KCTD1: variants seen among roughly 807,000 people sequenced by gnomAD.
KCTD1 encodes BTB/POZ domain-containing protein KCTD1.
Under a neutral mutation model 66.0 loss-of-function variants are expected in KCTD1, and 24 were observed. The observed-to-expected ratio is 0.36, with a 90% confidence interval of 0.26 to 0.51. The LOEUF is 0.51. Ranked by LOEUF, KCTD1 falls within the 20% of genes least tolerant of loss-of-function variation. KCTD1 has a pLI of 0.95. For missense variants in KCTD1, 943 were observed against 1,205.2 expected (o/e 0.78, Z 3.22); for synonymous variants, 511 against 517.2 (o/e 0.99, Z 0.16).
Position 26,468,137 on chromosome 18 carries a change from C to T in KCTD1, c.2134-8212G>A, listed in dbSNP as rs572046721. ...GTGTGTGTGCCTATGCATGCGTACACGCTCATGTGCAGGGCATAAAACAAC... is the reference window on the plus strand; with the variant it reads ...GTGTGTGTGCCTATGCATGCGTACATGCTCATGTGCAGGGCATAAAACAAC... On this transcript the variant is annotated intron_variant, in intron 3 of 4. Transcript: ENST00000580059. This position sits in a 1 kb window ranked among gnomAD's most constrained non-coding sequence, Gnocchi z 4.8. 2.0e-5 allele frequency among the ~76,000 whole-genome samples: 3 copies of T among 152,168 alleles called. No homozygotes were observed. The highest frequency in any genetic ancestry group is 7.2e-5 in the African/African-American group (3 of 41,428).
chr18:26,590,141 T>G (rs532781329), intron 1 of KCTD1, among the ~76,000 whole-genome samples: 1 of 152,288 alleles, frequency 6.6e-6, no homozygotes, highest in Non-Finnish European at 1.5e-5. Context: ...TGGAGTGCAG[T>G]GGCATGATCT....
At chr18:26,499,424 C>G (rs1035749954) in intron 2 of KCTD1, among the ~76,000 whole-genome samples, 1 of 151,998 alleles carries the variant, frequency 6.6e-6, no homozygotes. Context: ...AAGGTGGGGA[C>G]TAAATAATAC....
At chr18:26,456,345 A>G (rs1980087223) in intron 4 of KCTD1, 1 of 153,210 alleles carries the variant, frequency 6.5e-6, no homozygotes, top group African/African-American at 2.4e-5. Flanking sequence ...AAGAATCTGG[A>G]AAGGACAGTG....
intron 1 of KCTD1, chr18:26,566,473 C>T (rs1258351467): frequency 6.6e-6 from 1 of 152,310 alleles, no homozygotes; most frequent in Non-Finnish European, 1.5e-5. Context: ...GAACTTGCCA[C>T]TCCCGGTACA....
upstream of KCTD1, among the ~76,000 whole-genome samples, chr18:26,553,428 C>T (rs1203763888): frequency 6.6e-6 from 1 of 152,124 alleles, no homozygotes; most frequent in East Asian, 1.9e-4. Context: ...ATTTCCAATT[C>T]AGTTTCTTGG....
upstream of KCTD1, chr18:26,549,910 G>C: frequency 1.6e-6 from 1 of 608,730 alleles, no homozygotes; most frequent in Non-Finnish European, 2.1e-6. Flanking sequence ...CTCCGGGCGC[G>C]TCCTTGCGTC....
intron 2 of KCTD1, among the ~76,000 whole-genome samples, chr18:26,486,377 T>G (rs888080803): frequency 6.6e-6 from 1 of 152,242 alleles, no homozygotes; most frequent in Admixed American, 6.5e-5. Flanking sequence ...ACTCACAGTG[T>G]CCGTCTGTCC....
intron 1 of KCTD1, among the ~76,000 whole-genome samples, chr18:26,617,376 T>C (rs1041367638): frequency 1.3e-5 from 2 of 152,244 alleles, no homozygotes; most frequent in Admixed American, 1.3e-4. Flanking sequence ...ATGTGTATCA[T>C]AGCTGACGCT....
intron 1 of KCTD1, among the ~76,000 whole-genome samples, chr18:26,657,194 G>A (rs937291574): frequency 1.3e-5 from 2 of 151,800 alleles, no homozygotes; most frequent in Non-Finnish European, 2.9e-5. Context: ...CTGCCCCGCC[G>A]CGGGTCCAAG....
chr18:26,529,988 T>TAC (rs781676382), intron 1 of KCTD1, among the ~76,000 whole-genome samples: 1 of 152,222 alleles, frequency 6.6e-6, no homozygotes, highest in Non-Finnish European at 1.5e-5. Flanking sequence ...CGGCTAGACC[T>TAC]ACAGACAAGG....
At chr18:26,507,607 C>T (rs1474318061) in intron 1 of KCTD1, among the ~76,000 whole-genome samples, 2 of 152,026 alleles carry the variant, frequency 1.3e-5, no homozygotes, top group Non-Finnish European at 2.9e-5. Flanking sequence ...GAACTCCTGG[C>T]CTCAAGTGAT....
At chr18:26,559,892 G>T (rs1308198920) in intron 1 of KCTD1, among the ~76,000 whole-genome samples, 1 of 152,178 alleles carries the variant, frequency 6.6e-6, no homozygotes, top group Admixed American at 6.6e-5. Context: ...GCAATGGCCA[G>T]GCCCTTTTGC....
Position 26,547,920 on chromosome 18 carries a change from C to A in KCTD1, c.617G>T (p.Arg206Leu), listed in dbSNP as rs1416905609. 1 of 1,543,626 alleles carries A rather than the reference C, an allele frequency of 6.5e-7. No individual in the cohort carries two copies. The highest frequency in any genetic ancestry group is 2.0e-5 in the Admixed American group (1 of 50,988). ...CTCGGCATAGAAGGAGCGCAGCACG[C>A]GGCACAGCGCCCCCTTGTCCATGGT... ...FETMDKGALC[R>L]VLRSFYAEAR... Residue 206 changes from arginine to leucine, a missense_variant, in exon 1 of 5, where the codon CGC (arginine) becomes CTC (leucine). Physicochemically the swap from Arg to Leu is moderately radical, Grantham distance 102. Coordinates refer to ENST00000580059, the MANE Select transcript of KCTD1 (RefSeq NM_001142730.3).
At position 26,547,945 on chromosome 18, in the gene KCTD1, T is replaced by A. The variant is rs1357509450; in HGVS notation, c.592A>T (p.Thr198Ser). The stretch of plus-strand genomic sequence containing the variant: ...CGGCACAGCGCCCCCTTGTCCATGG[T>A]CTCGAAGTCCGGGCTCTGCGCCTTC... Reference protein sequence around the residue: ...SEKAQSPDFETMDKGALCRVL... With the variant: ...SEKAQSPDFESMDKGALCRVL... The change falls in exon 1 of 5, where the codon ACC becomes TCC. Residue 198 changes from threonine (T) to serine (S), a missense_variant. By Grantham distance (58) the Thr-to-Ser change is moderately conservative. Around this residue, in one of 10 missense-constraint regions of KCTD1, gnomAD observed 96 missense variants for 132.5 expected, o/e 0.72. Coordinates refer to ENST00000580059, the MANE Select transcript of KCTD1 (RefSeq NM_001142730.3). The A allele has an allele frequency of 1.9e-6, 3 of 1,542,958 alleles. No individual in the cohort carries two copies. Among genetic ancestry groups the A allele is most frequent in the Non-Finnish European group, 2.6e-6 (3 of 1,146,682 alleles).
At chr18:26,593,365 AGGAGGAGGAAG>A (rs1188769704) in intron 1 of KCTD1, among the ~76,000 whole-genome samples, 17 of 103,554 alleles carry the variant, frequency 1.6e-4, no homozygotes, top group African/African-American at 7.2e-4. Context: ...GAGGAAGAGG[AGGAGGAGGAAG>A]AGGAGGAGGA....
At chr18:26,646,249 C>T (rs574142182) in intron 1 of KCTD1, among the ~76,000 whole-genome samples, 2 of 152,234 alleles carry the variant, frequency 1.3e-5, no homozygotes, top group South Asian at 4.2e-4. Flanking sequence ...GACTCCTTTC[C>T]AATATACTTT....
chr18:26,550,973 C>G (rs1270836545), upstream of KCTD1, among the ~76,000 whole-genome samples: 2 of 152,216 alleles, frequency 1.3e-5, no homozygotes, highest in Admixed American at 1.3e-4. This position sits in a 1 kb window ranked among gnomAD's most constrained non-coding sequence, Gnocchi z 5.4. Context: ...ACCCGGGGGC[C>G]GCGCTGGCTC....
At position 26,548,290 on chromosome 18, in the gene KCTD1, C is replaced by G. The variant is rs545784375; in HGVS notation, c.247G>C (p.Gly83Arg). 750 of 1,510,208 alleles carry G rather than the reference C, an allele frequency of 5.0e-4. 24 individuals are homozygous for G. In the South Asian group the frequency reaches 9.1e-3, roughly 18 times the overall value. The allele number at this position is 1,510,208 out of a possible 1,614,324, so 93.6% of individuals were successfully genotyped here. A position where few individuals can be genotyped will look rare whatever the true frequency, so the allele number is the denominator to read the frequency against. Reference protein sequence around the residue: ...GDEEEEEDGGGGLEEDEEEEE... With the variant: ...GDEEEEEDGGRGLEEDEEEEE... ...TCCTCCTCGTCCTCCTCCAGCCCCCCACCTCCGTCCTCCTCCTCCTCCTCG... is the reference window on the plus strand; with the variant it reads ...TCCTCCTCGTCCTCCTCCAGCCCCCGACCTCCGTCCTCCTCCTCCTCCTCG... Residue 83 changes from glycine to arginine, a missense_variant, in exon 1 of 5, where the codon GGG (glycine) becomes CGG (arginine). Physicochemically the swap from Gly to Arg is moderately radical, Grantham distance 125 (BLOSUM62 -2). This residue lies in a region of KCTD1 where 236 missense variants were observed against 206.6 expected (regional missense o/e 1.14). Transcript: ENST00000580059.
At position 26,476,727 on chromosome 18, in the gene KCTD1, G is replaced by T; in HGVS notation, c.1989-68C>A. The T allele has an allele frequency of 1.4e-6, 2 of 1,415,442 alleles. No individual in the cohort carries two copies. Among genetic ancestry groups the T allele is most frequent in the Non-Finnish European group, 2.0e-6 (2 of 1,018,886 alleles). 87.7% of individuals were successfully genotyped at this position (1,415,442 alleles called of 1,614,324 possible). ...TGTTCGGGCACTAGGACTAAGAGGTGTCTTTTATCACTGTCAAAGGTAGCA... is the reference window on the plus strand; with the variant it reads ...TGTTCGGGCACTAGGACTAAGAGGTTTCTTTTATCACTGTCAAAGGTAGCA... On this transcript the variant is annotated intron_variant, in intron 2 of 4. Coordinates refer to ENST00000580059, the MANE Select transcript of KCTD1 (RefSeq NM_001142730.3). This position sits in a 1 kb window ranked among gnomAD's most constrained non-coding sequence, Gnocchi z 4.9.
Sources: gnomAD v4.1 joint callset for allele counts (sites outside exome capture counted in the v4.1 genomes callset) on GRCh38, gnomAD v4.1.1 for gene constraint, gnomAD v4.1.1 regional missense constraint, Gnocchi (gnomAD v3.1) non-coding constraint, MANE v1.5 for transcripts, NCBI Gene and HGNC (gene_info 2026-07-23, HGNC 2026-07-21) for gene names.